Variants in NLGN4X observed in about 807,000 individuals in gnomAD.
NLGN4X encodes the protein neuroligin-4, X-linked.
Under a neutral mutation model 40.3 loss-of-function variants are expected in NLGN4X, and 3 were observed. The ratio of observed to expected loss-of-function variants is 0.07; its 90% CI spans 0.03 to 0.19. The LOEUF (loss-of-function observed/expected upper bound fraction) is 0.19. NLGN4X is among the 10% of genes least tolerant of loss of function. The pLI is 1.00. For missense variants in NLGN4X, 382 were observed against 708.3 expected (o/e 0.54, Z 5.23); for synonymous variants, 270 against 306.8 (o/e 0.88, Z 1.25).
intron 3 of NLGN4X, among the ~76,000 whole-genome samples, chrX:6,003,290 C>T (rs1306462687): frequency 1.8e-5 from 2 of 111,978 alleles, no homozygotes; most frequent in Non-Finnish European, 3.8e-5. Context: ...GCAGGACAAA[C>T]TCAGGACCGC....
chrX:6,024,154 G>A (rs2036624346), intron 3 of NLGN4X, among the ~76,000 whole-genome samples: 1 of 112,047 alleles, frequency 8.9e-6, no homozygotes, highest in Non-Finnish European at 1.9e-5. Context: ...TGTTCTGAAA[G>A]TTTATTACCT....
intron 4 of NLGN4X, among the ~76,000 whole-genome samples, chrX:5,908,063 G>T (rs1394476197): frequency 3.3e-5 from 3 of 90,958 alleles, no homozygotes; most frequent in African/African-American, 1.2e-4. Flanking sequence ...AGAGAGGGAG[G>T]GAGGAGAGAC....
At chrX:6,150,563 T>G (rs942959460) in intron 2 of NLGN4X, among the ~76,000 whole-genome samples, 4 of 111,961 alleles carry the variant, frequency 3.6e-5, no homozygotes, top group African/African-American at 9.7e-5. Flanking sequence ...GCTAATATCT[T>G]AAGTCATTAA....
At chrX:5,980,456 C>G (rs1252156166) in intron 3 of NLGN4X, among the ~76,000 whole-genome samples, 1 of 105,356 alleles carries the variant, frequency 9.5e-6, no homozygotes, top group Non-Finnish European at 1.9e-5. Flanking sequence ...TTGCCAAAAT[C>G]TAAAGTCACA....
At chrX:6,065,814 T>C (rs2037899418) in intron 2 of NLGN4X, among the ~76,000 whole-genome samples, 1 of 111,963 alleles carries the variant, frequency 8.9e-6, no homozygotes, top group Non-Finnish European at 1.9e-5. Flanking sequence ...TCTGCCTATC[T>C]TGATATACTA....
chrX:6,188,089 G>A (rs1443237179), intron 1 of NLGN4X, among the ~76,000 whole-genome samples: 1 of 112,117 alleles, frequency 8.9e-6, no homozygotes, highest in African/African-American at 3.2e-5. Context: ...GTGGCTGACA[G>A]AGAAAGAAAA....
intron 2 of NLGN4X, among the ~76,000 whole-genome samples, chrX:6,095,683 C>T (rs2038754194): frequency 8.9e-6 from 1 of 111,829 alleles, no homozygotes; most frequent in African/African-American, 3.3e-5. Flanking sequence ...CAATGCTGCC[C>T]CCTCAGGAGC....
chrX:6,126,486 G>A (rs1254233546), intron 2 of NLGN4X, among the ~76,000 whole-genome samples: 1 of 111,474 alleles, frequency 9.0e-6, no homozygotes, highest in Non-Finnish European at 1.9e-5. Context: ...AGAAATAATA[G>A]GGAATCAAAA....
At chrX:5,973,730 G>A (rs1336529102) in intron 3 of NLGN4X, among the ~76,000 whole-genome samples, 1 of 111,206 alleles carries the variant, frequency 9.0e-6, no homozygotes, top group African/African-American at 3.3e-5. Flanking sequence ...GGCTGAGGCA[G>A]GGGAATGGCG....
intron 2 of NLGN4X, among the ~76,000 whole-genome samples, chrX:6,137,665 CTGA>C (rs985687773): frequency 1.8e-5 from 2 of 111,805 alleles, no homozygotes; most frequent in Non-Finnish European, 3.8e-5. Flanking sequence ...GGCGATGACT[CTGA>C]TGATATTTTT....
chrX:5,937,357 A>G (rs1209200660), intron 3 of NLGN4X, among the ~76,000 whole-genome samples: 1 of 111,254 alleles, frequency 9.0e-6, no homozygotes, highest in East Asian at 2.8e-4. Context: ...CCTTGAGTGG[A>G]TTTCTGAATT....
At chrX:6,074,581 T>C (rs2038148145) in intron 2 of NLGN4X, among the ~76,000 whole-genome samples, 1 of 112,075 alleles carries the variant, frequency 8.9e-6, no homozygotes, top group Non-Finnish European at 1.9e-5. Context: ...TTTGTTCACA[T>C]TTAACCCAGA....
chrX:5,943,788 G>C (rs1015441895), intron 3 of NLGN4X, among the ~76,000 whole-genome samples: 1 of 112,481 alleles, frequency 8.9e-6, no homozygotes, highest in Non-Finnish European at 1.9e-5. Flanking sequence ...AGCTTGCCAT[G>C]ATCATTTAAG....
intron 3 of NLGN4X, among the ~76,000 whole-genome samples, chrX:5,917,178 C>A: frequency 8.9e-6 from 1 of 112,661 alleles, no homozygotes; most frequent in East Asian, 2.8e-4. Flanking sequence ...CTGAGCACAC[C>A]TTCCTGTGGG....
chrX:6,002,919 G>T (rs2036007020), intron 3 of NLGN4X, among the ~76,000 whole-genome samples: 1 of 111,706 alleles, frequency 9.0e-6, no homozygotes, highest in Non-Finnish European at 1.9e-5. Flanking sequence ...TCTGGCCGGG[G>T]ATGACGGGAC....
intron 3 of NLGN4X, among the ~76,000 whole-genome samples, chrX:5,927,095 G>T (rs188491950): frequency 1.1e-4 from 12 of 111,129 alleles, no homozygotes; most frequent in South Asian, 3.8e-4. Flanking sequence ...TGTTAAAAAA[G>T]ATTTTTCTTC....
chrX:6,180,474 G>A (rs933303979), intron 1 of NLGN4X, among the ~76,000 whole-genome samples: 1 of 111,420 alleles, frequency 9.0e-6, no homozygotes, highest in African/African-American at 3.3e-5. Flanking sequence ...AAGATTGTAA[G>A]TTCCCTGAGG....
intron 3 of NLGN4X, among the ~76,000 whole-genome samples, chrX:5,988,769 T>C (rs2035597388): frequency 8.9e-6 from 1 of 112,411 alleles, no homozygotes. Context: ...CAATGTGCCT[T>C]AAGGTTTAGT....
rs763119583 is a variant in NLGN4X, at chrX:6,008,235, C to T, written c.625+21045G>A. Among the ~76,000 whole-genome samples the T allele has an allele frequency of 7.1e-5, 8 of 112,025 alleles. No individual in the cohort carries two copies. The East Asian group carries it at 2.2e-3, about 31-fold the overall frequency. On this transcript the variant is annotated intron_variant, in intron 3 of 5. Coordinates refer to ENST00000381095, the MANE Select transcript of NLGN4X (RefSeq NM_181332.3). ...AAACTGAAACTCTGTAACCATGACA[C>T]GCTAATTCCCTATAGTCCTCTTCCA... is the stretch of plus-strand genomic sequence containing the variant.
Sources: allele counts gnomAD v4.1 joint callset (sites outside exome capture counted in the v4.1 genomes callset), GRCh38; gene constraint gnomAD v4.1.1; transcripts MANE v1.5; gene names NCBI Gene and HGNC (gene_info 2026-07-23, HGNC 2026-07-21).